RAPGEF5: variants seen among roughly 807,000 people sequenced by gnomAD.
RAPGEF5 encodes Rap guanine nucleotide exchange factor 5.
Under a neutral mutation model 125.2 loss-of-function variants are expected in RAPGEF5, and 65 were observed. The ratio of observed to expected loss-of-function variants is 0.52; its 90% CI spans 0.43 to 0.64. RAPGEF5 has a LOEUF of 0.64. Ranked by LOEUF, RAPGEF5 falls within the 30% of genes least tolerant of loss-of-function variation. The probability of loss-of-function intolerance (pLI) is 0.00; values close to 1 mark genes in which losing one functional copy is unlikely to be tolerated. For synonymous variants in RAPGEF5, 391 were observed against 385.9 expected, an observed-to-expected ratio of 1.01 and a Z score of -0.16; for missense variants, 958 against 1,048.1, an observed-to-expected ratio of 0.91 and a Z score of 1.19.
At chr7:22,235,862 A>G (rs982383593) in intron 7 of RAPGEF5, among the ~76,000 whole-genome samples, 16 of 152,222 alleles carry the variant, frequency 1.1e-4, no homozygotes, top group African/African-American at 3.4e-4. Flanking sequence ...AATATATATA[A>G]TCATAAATGC....
chr7:22,354,930 A>G (rs1784394221), intron 1 of RAPGEF5, among the ~76,000 whole-genome samples: 1 of 152,224 alleles, frequency 6.6e-6, no homozygotes, highest in South Asian at 2.1e-4. Context: ...AGACAAGTTC[A>G]TATTTCACTT....
intron 9 of RAPGEF5, among the ~76,000 whole-genome samples, chr7:22,209,573 T>C (rs1246058477): frequency 6.6e-6 from 1 of 152,236 alleles, no homozygotes; most frequent in Non-Finnish European, 1.5e-5. Flanking sequence ...AGATAATTTT[T>C]AGACATGTGC....
chr7:22,137,986 A>G (rs2128102455), intron 21 of RAPGEF5, among the ~76,000 whole-genome samples: 1 of 151,104 alleles, frequency 6.6e-6, no homozygotes, highest in East Asian at 2.0e-4. Flanking sequence ...GCAAACAGGT[A>G]GTTTAATCTG....
chr7:22,288,807 A>G (rs749700435), intron 6 of RAPGEF5, among the ~76,000 whole-genome samples: 2 of 152,196 alleles, frequency 1.3e-5, no homozygotes, highest in Non-Finnish European at 2.9e-5. Context: ...GGTTCCCACA[A>G]AAACCACCAT....
rs181185716 is a variant in RAPGEF5 at position 22,233,809 on chromosome 7, A to T, written c.797-2890T>A. Reference sequence around the variant, plus strand: ...AGGATAAAGTGTCAGTCCTGTATTTATTTCTAGCTTATCCCCAACAACAAT... The same window carrying T: ...AGGATAAAGTGTCAGTCCTGTATTTTTTTCTAGCTTATCCCCAACAACAAT... On this transcript the variant is annotated intron_variant, in intron 7 of 25. Coordinates refer to ENST00000665637, the MANE Select transcript of RAPGEF5 (RefSeq NM_012294.5). 2.6e-3 allele frequency among the ~76,000 whole-genome samples: 389 copies of T among 152,318 alleles called. 2 individuals are homozygous for T. The highest frequency in any genetic ancestry group is 0.01 in the Middle Eastern group (3 of 294).
At chr7:22,244,389 T>G (rs2128136837) in intron 7 of RAPGEF5, among the ~76,000 whole-genome samples, 1 of 152,070 alleles carries the variant, frequency 6.6e-6, no homozygotes, top group Admixed American at 6.6e-5. Flanking sequence ...GAGCGGTGGG[T>G]GAGTGAACAT....
intron 15 of RAPGEF5, 33 bp downstream of exon 15, chr7:22,157,822 C>A (rs1279226388): frequency 6.3e-7 from 1 of 1,594,228 alleles, no homozygotes; most frequent in Non-Finnish European, 8.6e-7. Flanking sequence ...CAAACCGGAT[C>A]ACCTAATTTT....
At chr7:22,245,832 C>T (rs757853055) in intron 7 of RAPGEF5, among the ~76,000 whole-genome samples, 1 of 152,060 alleles carries the variant, frequency 6.6e-6, no homozygotes. Context: ...CGATTCTATA[C>T]CTAGAAAATC....
intron 8 of RAPGEF5, among the ~76,000 whole-genome samples, chr7:22,230,369 T>G (rs1786026988): frequency 6.6e-6 from 1 of 152,234 alleles, no homozygotes; most frequent in African/African-American, 2.4e-5. Context: ...CTAGGCTAAG[T>G]CAGAATTTTA....
chr7:22,270,854 G>A (rs1390559425), intron 6 of RAPGEF5, among the ~76,000 whole-genome samples: 5 of 152,154 alleles, frequency 3.3e-5, no homozygotes, highest in African/African-American at 1.2e-4. Flanking sequence ...AATCAAATGG[G>A]ATAAAGGAAG....
chr7:22,314,607 T>C (rs1177207202), intron 3 of RAPGEF5: 1 of 980,374 alleles, frequency 1.0e-6, no homozygotes, highest in African/African-American at 1.8e-5. Flanking sequence ...GTCCTCTTCT[T>C]ACTCTTGATG....
At chr7:22,126,404 C>T (rs1419755) in intron 24 of RAPGEF5, among the ~76,000 whole-genome samples, 129,154 of 152,122 alleles carry the variant, frequency 0.85, 55,185 homozygotes, top group Admixed American at 0.91. Flanking sequence ...CTTTGTGTCA[C>T]TGTCATTGCT....
rs564701626 is a variant in RAPGEF5 at position 22,267,799 on chromosome 7, C to T, written c.748-787G>A. Among the ~76,000 whole-genome samples, 3 of 151,956 alleles carry T rather than the reference C, an allele frequency of 2.0e-5. No individual in the cohort carries two copies. In the South Asian group the frequency reaches 6.2e-4, roughly 32 times the overall value. ...ATTCCATAATGAGGAAGCTCTCTCC[C>T]CTTCAGGACACAAACTCTTAAACTC... is the stretch of plus-strand genomic sequence containing the variant. On this transcript the variant is annotated intron_variant, in intron 6 of 25. Coordinates refer to ENST00000665637, the MANE Select transcript of RAPGEF5 (RefSeq NM_012294.5).
At chr7:22,322,545 T>G (rs1236175355) in intron 1 of RAPGEF5, among the ~76,000 whole-genome samples, 1 of 152,190 alleles carries the variant, frequency 6.6e-6, no homozygotes, top group Non-Finnish European at 1.5e-5. Context: ...AAAACTAGAC[T>G]TAAAAAGGTT....
chr7:22,145,410 T>C, intron 19 of RAPGEF5, 188 bp from the exon 20 acceptor site: 3 of 515,802 alleles, frequency 5.8e-6, no homozygotes, highest in Non-Finnish European at 6.5e-6. Context: ...CATTCAATAA[T>C]GTTCACCTAG....
chr7:22,154,723 A>T, intron 16 of RAPGEF5, 119 bp from the exon 17 acceptor site: 2 of 1,060,920 alleles, frequency 1.9e-6, no homozygotes, highest in Non-Finnish European at 2.7e-6. Flanking sequence ...TATTCTCTTC[A>T]GTATAACACA....
intron 1 of RAPGEF5, among the ~76,000 whole-genome samples, chr7:22,343,843 G>C (rs997206572): frequency 6.6e-5 from 10 of 152,068 alleles, no homozygotes; most frequent in African/African-American, 2.4e-4. Context: ...CAAGATCAAA[G>C]TCCCACATAA....
At chr7:22,251,702 C>T (rs1786624157) in intron 7 of RAPGEF5, among the ~76,000 whole-genome samples, 1 of 138,940 alleles carries the variant, frequency 7.2e-6, no homozygotes, top group African/African-American at 2.7e-5. Flanking sequence ...AAAAACCTGT[C>T]CACATTGGGA....
intron 3 of RAPGEF5, 60 bp from the exon 4 acceptor site, chr7:22,310,150 CA>C: frequency 1.4e-6 from 2 of 1,393,752 alleles, no homozygotes; most frequent in African/African-American, 1.6e-5. Context: ...GCCAAAAAAA[CA>C]AAAATGATAT....
Sources: gnomAD v4.1 joint callset for allele counts (sites outside exome capture counted in the v4.1 genomes callset) on GRCh38, gnomAD v4.1.1 for gene constraint, MANE v1.5 for transcripts, NCBI Gene and HGNC (gene_info 2026-07-23, HGNC 2026-07-21) for gene names.